Variants in PACRG observed in about 807,000 individuals in gnomAD.
The protein encoded by PACRG is parkin coregulated, also known as parkin coregulated gene protein.
Under a neutral mutation model 29.7 loss-of-function variants are expected in PACRG, and 29 were observed. The ratio of observed to expected loss-of-function variants is 0.98; its 90% CI spans 0.73 to 1.33. The LOEUF is 1.33. Ranked by LOEUF, PACRG falls within the 40% of genes most tolerant of loss-of-function variation. The pLI is 0.00. For missense variants in PACRG, 279 were observed against 316.2 expected (o/e 0.88, Z 0.89); for synonymous variants, 116 against 118.7 (o/e 0.98, Z 0.15).
At chr6:162,847,888 G>A (rs1790539368) in intron 2 of PACRG, among the ~76,000 whole-genome samples, 3 of 152,112 alleles carry the variant, frequency 2.0e-5, no homozygotes, top group African/African-American at 7.2e-5. Flanking sequence ...AGGCTAGTGA[G>A]AAGCCCTGAA....
chr6:162,852,090 G>A (rs1435163429), intron 2 of PACRG, among the ~76,000 whole-genome samples: 1 of 151,852 alleles, frequency 6.6e-6, no homozygotes, highest in Admixed American at 6.6e-5. Flanking sequence ...TATTACTAAT[G>A]CATAACTTTC....
chr6:163,266,244 G>T (rs1002081041), intron 4 of PACRG, among the ~76,000 whole-genome samples: 23 of 152,258 alleles, frequency 1.5e-4, no homozygotes, highest in African/African-American at 5.1e-4. Flanking sequence ...TAAAAATACT[G>T]TAAAATCAGA....
chr6:163,179,076 C>T, intron 4 of PACRG: 1 of 371,308 alleles, frequency 2.7e-6, no homozygotes, highest in South Asian at 2.0e-5. Context: ...ATTTACCACA[C>T]AGGACTTAAT....
At chr6:163,247,767 C>T (rs1782748595) in intron 4 of PACRG, among the ~76,000 whole-genome samples, 2 of 152,186 alleles carry the variant, frequency 1.3e-5, no homozygotes, top group Admixed American at 1.3e-4. Context: ...TCACCGTCTA[C>T]CTGCCACTGT....
chr6:163,293,701 C>T (rs984049273), intron 4 of PACRG, among the ~76,000 whole-genome samples: 1 of 151,990 alleles, frequency 6.6e-6, no homozygotes, highest in African/African-American at 2.4e-5. Flanking sequence ...TCCACGTTAC[C>T]ATTAGAGAAA....
chr6:163,290,556 A>T (rs1562361828), intron 4 of PACRG, among the ~76,000 whole-genome samples: 2 of 152,088 alleles, frequency 1.3e-5, no homozygotes, highest in Admixed American at 6.5e-5. Context: ...GCCTCCACTT[A>T]CTCCTGGGAA....
In PACRG at chr6:162,908,135, A is replaced by G. The variant is rs542408385; in HGVS notation, c.291+93854A>G. On this transcript the variant is annotated intron_variant, in intron 2 of 4. Transcript: ENST00000366888. Reference sequence around the variant, plus strand: ...GTCATAGGCATATATTAATACTTACATAAAGTCATATACCAATTTTACACT... The same window carrying G: ...GTCATAGGCATATATTAATACTTACGTAAAGTCATATACCAATTTTACACT... 2.6e-5 allele frequency among the ~76,000 whole-genome samples: 4 copies of G among 152,350 alleles called. No homozygotes were observed. In the East Asian group the frequency reaches 7.7e-4, roughly 29 times the overall value.
intron 2 of PACRG, among the ~76,000 whole-genome samples, chr6:163,012,751 A>G (rs936945307): frequency 8.5e-5 from 13 of 152,366 alleles, no homozygotes; most frequent in Non-Finnish European, 1.8e-4. Context: ...GGGACTACCC[A>G]TTCATTTCCC....
chr6:163,234,151 T>A (rs1782146312), intron 4 of PACRG, among the ~76,000 whole-genome samples: 1 of 152,192 alleles, frequency 6.6e-6, no homozygotes, highest in African/African-American at 2.4e-5. Flanking sequence ...TCTCACCCTC[T>A]GCTATAGTTT....
intron 4 of PACRG, among the ~76,000 whole-genome samples, chr6:163,196,617 A>G (rs550480167): frequency 6.6e-6 from 1 of 152,366 alleles, no homozygotes; most frequent in East Asian, 1.9e-4. Context: ...GACAGAATTC[A>G]GTGAGACTTC....
At position 163,044,056 on chromosome 6, in the gene PACRG, T is replaced by A. The variant is rs530816306; in HGVS notation, c.292-18094T>A. On this transcript the variant is annotated intron_variant, in intron 2 of 4. Transcript: ENST00000366888. Reference sequence around the variant, plus strand: ...GTTAGAGAACAGGAAGAGGAAGACCTGGGAGTCAGGGAGCTCAGAGAATCA... The same window carrying A: ...GTTAGAGAACAGGAAGAGGAAGACCAGGGAGTCAGGGAGCTCAGAGAATCA... Among the ~76,000 whole-genome samples the A allele has an allele frequency of 5.8e-4, 88 of 152,204 alleles. 2 individuals are homozygous for A. In the South Asian group the frequency reaches 0.017, roughly 30 times the overall value.
chr6:162,849,213 C>T (rs1248368822), intron 2 of PACRG, among the ~76,000 whole-genome samples: 1 of 152,070 alleles, frequency 6.6e-6, no homozygotes, highest in African/African-American at 2.4e-5. Context: ...AAAAAAGGAC[C>T]CTTTAAGACA....
chr6:162,812,594 A>T (rs761709619), intron 1 of PACRG, among the ~76,000 whole-genome samples: 9 of 146,654 alleles, frequency 6.1e-5, no homozygotes, highest in Non-Finnish European at 1.2e-4. Flanking sequence ...GCAACATAAA[A>T]ATTTGTCAAT....
intron 4 of PACRG, among the ~76,000 whole-genome samples, chr6:163,276,369 T>C (rs1051230434): frequency 1.3e-5 from 2 of 152,164 alleles, no homozygotes; most frequent in Non-Finnish European, 2.9e-5. Flanking sequence ...CAGCACAAGG[T>C]ATATCCAATA....
Position 163,025,806 on chromosome 6 carries a change from G to A in PACRG, c.292-36344G>A, listed in dbSNP as rs552629532. Among the ~76,000 whole-genome samples the A allele has an allele frequency of 5.9e-5, 9 of 152,342 alleles. No individual in the cohort carries two copies. In the South Asian group the frequency reaches 1.9e-3, roughly 32 times the overall value. On this transcript the variant is annotated intron_variant, in intron 2 of 4. Coordinates refer to ENST00000366888, the MANE Select transcript of PACRG (RefSeq NM_001080379.2). ...CTCAGAGCTGAGCTGGAAGCCAGGG[G>A]GCAGGCCCAGGACCATGTACAGAGG... is the stretch of plus-strand genomic sequence containing the variant.
At chr6:163,129,639 A>C (rs927660388) in intron 4 of PACRG, among the ~76,000 whole-genome samples, 4 of 152,154 alleles carry the variant, frequency 2.6e-5, no homozygotes, top group Non-Finnish European at 5.9e-5. Flanking sequence ...TGTCCTCCTG[A>C]TCAGCAGCCT....
At position 163,254,125 on chromosome 6, in the gene PACRG, A is replaced by C. The variant is rs78814362; in HGVS notation, c.614-60702A>C. On this transcript the variant is annotated intron_variant, in intron 4 of 4. Transcript: ENST00000366888. ...ATCGGGACAGCAGCAATTTCAACAT[A>C]GCCCTGAGCCAACTTAAAATGCAAC... Among the ~76,000 whole-genome samples, 732 of 152,332 alleles carry C rather than the reference A, an allele frequency of 4.8e-3. 5 individuals are homozygous for C. Among genetic ancestry groups the C allele is most frequent in the African/African-American group, 0.017 (707 of 41,576 alleles).
chr6:162,740,655 A>G (rs1357345367), intron 1 of PACRG, among the ~76,000 whole-genome samples: 1 of 146,588 alleles, frequency 6.8e-6, no homozygotes, highest in African/African-American at 2.6e-5. Flanking sequence ...GCTGGAGTGC[A>G]GTGGCATAAT....
At chr6:162,787,582 G>GTATCTA (rs1554279249) in intron 1 of PACRG, among the ~76,000 whole-genome samples, 18 of 62,412 alleles carry the variant, frequency 2.9e-4, no homozygotes, top group Admixed American at 1.3e-3. Context: ...GTGTGTGTGT[G>GTATCTA]TATATATATA....
Sources: gnomAD v4.1 joint callset for allele counts (sites outside exome capture counted in the v4.1 genomes callset) on GRCh38, gnomAD v4.1.1 for gene constraint, MANE v1.5 for transcripts, NCBI Gene and HGNC (gene_info 2026-07-23, HGNC 2026-07-21) for gene names.